Variants in GPC6 observed in about 807,000 individuals in gnomAD.
GPC6 encodes the protein glypican-6.
A neutral mutation model predicts 55.2 loss-of-function variants in GPC6; 14 were observed. The ratio of observed to expected loss-of-function variants is 0.25; its 90% CI spans 0.17 to 0.40. The LOEUF is 0.40. GPC6 is among the 10% of genes least tolerant of loss of function. The probability of loss-of-function intolerance (pLI) is 1.00; values close to 1 mark genes in which losing one functional copy is unlikely to be tolerated. For missense variants in GPC6, 641 were observed against 708.5 expected, an observed-to-expected ratio of 0.90 and a Z score of 1.08; for synonymous variants, 278 against 259.6, an observed-to-expected ratio of 1.07 and a Z score of -0.68.
intron 1 of GPC6, among the ~76,000 whole-genome samples, chr13:93,270,132 C>T (rs1877468280): frequency 6.6e-6 from 1 of 151,230 alleles, no homozygotes; most frequent in South Asian, 2.1e-4. Flanking sequence ...AGCCTGGAGT[C>T]ACAGCTACTT....
intron 3 of GPC6, among the ~76,000 whole-genome samples, chr13:93,877,105 A>T (rs1874636478): frequency 6.6e-6 from 1 of 152,180 alleles, no homozygotes; most frequent in South Asian, 2.1e-4. Flanking sequence ...TGATTCCCTA[A>T]GCAGTAGAAA....
At chr13:94,044,001 A>C (rs891751754) in intron 4 of GPC6, among the ~76,000 whole-genome samples, 1 of 151,618 alleles carries the variant, frequency 6.6e-6, no homozygotes, top group African/African-American at 2.4e-5. Context: ...GGTTTATTTT[A>C]ATTATTTCTT....
intron 1 of GPC6, among the ~76,000 whole-genome samples, chr13:93,373,256 G>A (rs1015452623): frequency 2.0e-5 from 3 of 151,990 alleles, no homozygotes; most frequent in South Asian, 2.1e-4. Context: ...TTAATGCTTC[G>A]GTCTTTTTCT....
intron 4 of GPC6, among the ~76,000 whole-genome samples, chr13:94,249,253 C>A (rs1891282015): frequency 6.6e-6 from 1 of 152,130 alleles, no homozygotes; most frequent in East Asian, 1.9e-4. Flanking sequence ...ATACCCTGCT[C>A]CTCAGCATAG....
chr13:94,151,500 T>C (rs1415561413), intron 4 of GPC6, among the ~76,000 whole-genome samples: 2 of 152,144 alleles, frequency 1.3e-5, no homozygotes, highest in Non-Finnish European at 1.5e-5. Flanking sequence ...CGAAGGGCCC[T>C]GATAAACCAG....
rs138178478 is a variant in GPC6 at position 94,151,136 on chromosome 13, G to A, written c.877+123242G>A. Among the ~76,000 whole-genome samples, 667 of 152,096 alleles carry A rather than the reference G, an allele frequency of 4.4e-3. 5 individuals are homozygous for A. Among genetic ancestry groups the A allele is most frequent in the African/African-American group, 0.016 (651 of 41,494 alleles). ...GATAAAGAGCATTTCCATGAAGTGAGGTAGAGGCAGGTGTGGAATCCAAGC... is the reference window on the plus strand; with the variant it reads ...GATAAAGAGCATTTCCATGAAGTGAAGTAGAGGCAGGTGTGGAATCCAAGC... On this transcript the variant is annotated intron_variant, in intron 4 of 8. Coordinates refer to ENST00000377047, the MANE Select transcript of GPC6 (RefSeq NM_005708.5).
At chr13:93,805,635 C>A (rs1401432977) in intron 2 of GPC6, among the ~76,000 whole-genome samples, 1 of 152,074 alleles carries the variant, frequency 6.6e-6, no homozygotes, top group African/African-American at 2.4e-5. Context: ...TAGTTTTTAG[C>A]CACTGCTAAT....
chr13:93,546,808 A>G (rs1874813222), intron 2 of GPC6, among the ~76,000 whole-genome samples: 1 of 152,220 alleles, frequency 6.6e-6, no homozygotes. Context: ...GCAGGTGATA[A>G]TGATCTGTTG....
In GPC6 at chr13:93,497,580, T is replaced by G. The variant is rs1880353299; in HGVS notation, c.161-47683T>G. On this transcript the variant is annotated intron_variant, in intron 1 of 8. Coordinates refer to ENST00000377047, the MANE Select transcript of GPC6 (RefSeq NM_005708.5). ...TCAGTTAACAGGGATGTATGGCCAT[T>G]TATCACAGAAAATGAAGGCTAAAAA... 3.3e-5 allele frequency among the ~76,000 whole-genome samples: 5 copies of G among 152,222 alleles called. No homozygotes were observed. In the South Asian group the frequency reaches 1.0e-3, roughly 31 times the overall value.
intron 3 of GPC6, among the ~76,000 whole-genome samples, chr13:93,939,017 G>C (rs918128024): frequency 2.0e-5 from 3 of 152,084 alleles, no homozygotes; most frequent in Non-Finnish European, 2.9e-5. Context: ...CAGGAAAATC[G>C]CTTGAACCCA....
Position 94,129,171 on chromosome 13 carries a change from A to C in GPC6, c.877+101277A>C, listed in dbSNP as rs531806101. 3.4e-3 allele frequency among the ~76,000 whole-genome samples: 512 copies of C among 152,270 alleles called. 1 individual carries two copies. The highest frequency in any genetic ancestry group is 0.012 in the African/African-American group (499 of 41,568). On this transcript the variant is annotated intron_variant, in intron 4 of 8. Transcript: ENST00000377047. Reference sequence around the variant, plus strand: ...CATGCTGTAGTTACTCAGTATTTAGAACAAACAATATAAATTGAAATAATG... The same window carrying C: ...CATGCTGTAGTTACTCAGTATTTAGCACAAACAATATAAATTGAAATAATG...
At chr13:93,237,793 GTT>G (rs36081205) in intron 1 of GPC6, among the ~76,000 whole-genome samples, 39,055 of 151,904 alleles carry the variant, frequency 0.26, 5,103 homozygotes, top group African/African-American at 0.32. Context: ...TGACTAGACA[GTT>G]TTCTCAGGAC....
chr13:94,230,407 C>T lies in GPC6; in HGVS notation c.878-55942C>T, dbSNP rs1594079860. ...GGGAGAAGAACAGATCTAACTGGGA[C>T]AATCTGAGGACCCTCCCCACCATTG... On this transcript the variant is annotated intron_variant, in intron 4 of 8. Transcript: ENST00000377047. 2.6e-5 allele frequency among the ~76,000 whole-genome samples: 4 copies of T among 152,230 alleles called. No individual in the cohort carries two copies. In the South Asian group the frequency reaches 8.3e-4, roughly 32 times the overall value.
intron 1 of GPC6, among the ~76,000 whole-genome samples, chr13:93,334,743 A>G (rs1310230256): frequency 1.3e-5 from 2 of 152,208 alleles, no homozygotes; most frequent in Non-Finnish European, 2.9e-5. Context: ...TTGCGATTGC[A>G]GGCGTGAGCC....
At chr13:93,492,515 C>A (rs1468053864) in intron 1 of GPC6, among the ~76,000 whole-genome samples, 1 of 149,566 alleles carries the variant, frequency 6.7e-6, no homozygotes, top group Non-Finnish European at 1.5e-5. Flanking sequence ...CCCTTTATTT[C>A]CTTCTCCTGC....
intron 6 of GPC6, among the ~76,000 whole-genome samples, chr13:94,332,656 A>C (rs9561538): frequency 0.17 from 26,186 of 152,228 alleles, 2,611 homozygotes; most frequent in East Asian, 0.36. Context: ...TGATAGTTTC[A>C]TAGAAATAAT....
intron 1 of GPC6, among the ~76,000 whole-genome samples, chr13:93,440,105 C>A (rs1373013991): frequency 6.6e-6 from 1 of 152,180 alleles, no homozygotes; most frequent in Admixed American, 6.6e-5. Context: ...ATAATTTAGA[C>A]TGTAATTTTA....
intron 1 of GPC6, among the ~76,000 whole-genome samples, chr13:93,292,682 C>G (rs905087419): frequency 6.6e-6 from 1 of 152,078 alleles, no homozygotes; most frequent in African/African-American, 2.4e-5. Context: ...TTAATTTACC[C>G]TTAGTGATTA....
intron 4 of GPC6, among the ~76,000 whole-genome samples, chr13:94,043,790 C>T (rs9561490): frequency 0.14 from 21,104 of 151,566 alleles, 1,842 homozygotes; most frequent in East Asian, 0.36. Context: ...TATTGACCAG[C>T]GAGAGCACAG....
Sources: gnomAD v4.1 joint callset for allele counts (sites outside exome capture counted in the v4.1 genomes callset) on GRCh38, gnomAD v4.1.1 for gene constraint, MANE v1.5 for transcripts, NCBI Gene and HGNC (gene_info 2026-07-23, HGNC 2026-07-21) for gene names.